SMARCC1: variants seen among roughly 807,000 people sequenced by gnomAD.
SMARCC1 encodes SWI/SNF related BAF chromatin remodeling complex subunit C1, also known as SWI/SNF complex subunit SMARCC1.
In SMARCC1, 43 loss-of-function variants were observed where a neutral mutation model predicts 147.4. That is an observed-to-expected ratio of 0.29 (90% CI 0.23 to 0.38). The LOEUF (loss-of-function observed/expected upper bound fraction) is 0.38. Among genes scored for constraint, SMARCC1 ranks in the 10% least tolerant of loss-of-function variants. The pLI is 1.00. For synonymous variants in SMARCC1, 495 were observed against 484.4 expected, an observed-to-expected ratio of 1.02 and a Z score of -0.29; for missense variants, 1,119 against 1,381.1, an observed-to-expected ratio of 0.81 and a Z score of 3.01.
At chr3:47,634,763 C>CTT (rs1290685748) in intron 24 of SMARCC1, among the ~76,000 whole-genome samples, 12 of 152,296 alleles carry the variant, frequency 7.9e-5, no homozygotes, top group Admixed American at 2.6e-4. Context: ...GTCTCTCTCT[C>CTT]CTTTCAGTCT....
intron 2 of SMARCC1, among the ~76,000 whole-genome samples, chr3:47,757,677 G>A (rs921431683): frequency 1.3e-5 from 2 of 151,774 alleles, no homozygotes; most frequent in African/African-American, 2.4e-5. Flanking sequence ...CCAGCTACTC[G>A]GGAGGCTGAG....
At chr3:47,644,514 G>A (rs1220540584) in intron 21 of SMARCC1, among the ~76,000 whole-genome samples, 1 of 151,924 alleles carries the variant, frequency 6.6e-6, no homozygotes, top group African/African-American at 2.4e-5. Flanking sequence ...AACTTTTTTT[G>A]TTTGTTTGTT....
chr3:47,602,034 G>A (rs964591360), intron 26 of SMARCC1, among the ~76,000 whole-genome samples: 2 of 152,082 alleles, frequency 1.3e-5, no homozygotes, highest in African/African-American at 4.8e-5. Flanking sequence ...GTGGGGTTGA[G>A]TCCAGGGGTG....
chr3:47,767,878 CTT>C (rs60907462), intron 2 of SMARCC1, among the ~76,000 whole-genome samples: 36 of 145,332 alleles, frequency 2.5e-4, no homozygotes, highest in South Asian at 1.1e-3. Flanking sequence ...ACAGTGAACT[CTT>C]TTTTTTTTTT....
intron 10 of SMARCC1, 132 bp downstream of exon 10, chr3:47,706,277 G>T: frequency 2.6e-6 from 2 of 755,400 alleles, no homozygotes; most frequent in Non-Finnish European, 3.7e-6. Flanking sequence ...TCACCATGTT[G>T]GCCAGGCTGG....
intron 4 of SMARCC1, among the ~76,000 whole-genome samples, chr3:47,737,805 G>A (rs1037119924): frequency 1.3e-5 from 2 of 151,364 alleles, no homozygotes; most frequent in South Asian, 2.1e-4. Context: ...ACAGGTACCC[G>A]GAACCACGTG....
chr3:47,771,459 T>C (rs2034913199), intron 2 of SMARCC1, among the ~76,000 whole-genome samples: 1 of 152,158 alleles, frequency 6.6e-6, no homozygotes, highest in South Asian at 2.1e-4. Flanking sequence ...GAGTATAAGA[T>C]AGCAGAGGCT....
intron 27 of SMARCC1, among the ~76,000 whole-genome samples, chr3:47,588,568 C>T (rs1426996505): frequency 6.6e-6 from 1 of 152,080 alleles, no homozygotes; most frequent in Non-Finnish European, 1.5e-5. Context: ...TCCAGGCCAA[C>T]TCCTTCCAAG....
At chr3:47,677,549 T>G (rs2033589743) in intron 16 of SMARCC1, among the ~76,000 whole-genome samples, 1 of 151,016 alleles carries the variant, frequency 6.6e-6, no homozygotes, top group Non-Finnish European at 1.5e-5. Context: ...ATTAAATATT[T>G]TATTTTGTGT....
chr3:47,629,057 T>G (rs1399478271), intron 24 of SMARCC1, among the ~76,000 whole-genome samples: 2 of 152,198 alleles, frequency 1.3e-5, no homozygotes, highest in Non-Finnish European at 2.9e-5. Flanking sequence ...AGAACAATTC[T>G]GCGAGTAGGA....
intron 24 of SMARCC1, among the ~76,000 whole-genome samples, chr3:47,629,461 T>A (rs1164924870): frequency 3.9e-5 from 6 of 152,220 alleles, no homozygotes; most frequent in African/African-American, 1.4e-4. Flanking sequence ...CTGTGCTCTG[T>A]GTCCCCTTAC....
rs370545347 is a variant in SMARCC1 at position 47,776,860 on chromosome 3, C to T, written c.196-3924G>A. Among the ~76,000 whole-genome samples the T allele has an allele frequency of 8.6e-5, 13 of 151,838 alleles. No homozygotes were observed. The East Asian group carries it at 1.7e-3, about 20-fold the overall frequency. ...CGCGATCTCAGCTCAGCACAACCTC[C>T]GCCTCCCGGGTTCAAGCAATTCTCC... On this transcript the variant is annotated intron_variant, in intron 1 of 27. Coordinates refer to ENST00000254480, the MANE Select transcript of SMARCC1 (RefSeq NM_003074.4).
Position 47,745,888 on chromosome 3 carries a change from A to G in SMARCC1, c.401+20T>C, listed in dbSNP as rs1426720160. 2 of 1,453,538 alleles carry G rather than the reference A, an allele frequency of 1.4e-6. No homozygotes were observed. The highest frequency in any genetic ancestry group is 1.4e-5 in the African/African-American group (1 of 69,240). 90.0% of individuals were successfully genotyped at this position (1,453,538 alleles called of 1,614,324 possible). A position where few individuals can be genotyped will look rare whatever the true frequency, so the allele number is the denominator to read the frequency against. ...TAAATAACTTAAGATCAAAACATGCAAACAAATACAAAAACTTACCATCCC... is the reference window on the plus strand; with the variant it reads ...TAAATAACTTAAGATCAAAACATGCGAACAAATACAAAAACTTACCATCCC... On this transcript the variant is annotated intron_variant, in intron 3 of 27. Transcript: ENST00000254480.
At chr3:47,746,752 T>C (rs892225312) in intron 2 of SMARCC1, among the ~76,000 whole-genome samples, 2 of 135,608 alleles carry the variant, frequency 1.5e-5, no homozygotes, top group African/African-American at 2.8e-5. Flanking sequence ...TTTTTTGAGA[T>C]AGAATTTTGC....
chr3:47,693,101 T>C, intron 12 of SMARCC1, 140 bp downstream of exon 12: 1 of 628,810 alleles, frequency 1.6e-6, no homozygotes. Context: ...GCCCAGAAGT[T>C]TAAAGCTGTG....
intron 26 of SMARCC1, among the ~76,000 whole-genome samples, chr3:47,604,959 C>T (rs2106660969): frequency 6.6e-6 from 1 of 152,300 alleles, no homozygotes; most frequent in African/African-American, 2.4e-5. Flanking sequence ...CCTTGGCTTC[C>T]CAAAGTGTTG....
intron 10 of SMARCC1, among the ~76,000 whole-genome samples, chr3:47,705,337 A>C (rs1187348951): frequency 6.6e-6 from 1 of 151,490 alleles, no homozygotes; most frequent in African/African-American, 2.4e-5. Flanking sequence ...AAAAAAAAAA[A>C]AAAAAACGAA....
chr3:47,684,594 C>T (rs2033698562), intron 14 of SMARCC1, among the ~76,000 whole-genome samples: 1 of 152,024 alleles, frequency 6.6e-6, no homozygotes, highest in Non-Finnish European at 1.5e-5. Context: ...GCACCCACCA[C>T]CACGCCTGGC....
intron 3 of SMARCC1, among the ~76,000 whole-genome samples, chr3:47,742,220 C>A (rs2034517323): frequency 6.6e-6 from 1 of 151,054 alleles, no homozygotes; most frequent in African/African-American, 2.4e-5. Flanking sequence ...TAAACATTCT[C>A]AAGATAGGGT....
Sources: gnomAD v4.1 joint callset for allele counts (sites outside exome capture counted in the v4.1 genomes callset) on GRCh38, gnomAD v4.1.1 for gene constraint, MANE v1.5 for transcripts, NCBI Gene and HGNC (gene_info 2026-07-23, HGNC 2026-07-21) for gene names.